The following KCNK5 variants were observed in gnomAD, a reference collection of about 807,000 sequenced individuals.
KCNK5 encodes the protein potassium channel subfamily K member 5.
KCNK5 carries 18 observed loss-of-function variants against 32.9 expected under a neutral mutation model. The observed-to-expected ratio is 0.55, with a 90% CI of 0.38 to 0.81. The LOEUF (loss-of-function observed/expected upper bound fraction) is 0.81. Among genes scored for constraint, KCNK5 ranks in the 30% least tolerant of loss-of-function variants. The pLI is 0.00. For missense variants in KCNK5, 507 were observed against 651.0 expected (o/e 0.78, Z 2.41); for synonymous variants, 276 against 275.3 (o/e 1.00, Z -0.03).
At chr6:39,198,742 G>A (rs548083053) in intron 1 of KCNK5, among the ~76,000 whole-genome samples, 1 of 152,274 alleles carries the variant, frequency 6.6e-6, no homozygotes, top group South Asian at 2.1e-4. Context: ...GCCATATATG[G>A]GGCACCTTGT....
intron 1 of KCNK5, among the ~76,000 whole-genome samples, chr6:39,202,762 G>A (rs1357238375): frequency 6.6e-6 from 1 of 152,118 alleles, no homozygotes; most frequent in African/African-American, 2.4e-5. Flanking sequence ...CAGGGCCTCT[G>A]CAGCTCAGGT....
chr6:39,219,297 G>A (rs111769882), intron 1 of KCNK5, among the ~76,000 whole-genome samples: 3,346 of 152,314 alleles, frequency 0.022, 142 homozygotes, highest in African/African-American at 0.076. Context: ...TCAAAGGGGA[G>A]AGGATAACAA....
intron 1 of KCNK5, among the ~76,000 whole-genome samples, chr6:39,218,051 G>A (rs553481121): frequency 2.0e-5 from 3 of 150,436 alleles, no homozygotes; most frequent in Admixed American, 6.6e-5. Context: ...ACCATCAAGA[G>A]CTTTTTTGAC....
At chr6:39,207,586 C>G (rs1771251554) in intron 1 of KCNK5, among the ~76,000 whole-genome samples, 1 of 150,844 alleles carries the variant, frequency 6.6e-6, no homozygotes, top group Non-Finnish European at 1.5e-5. Flanking sequence ...CCTGGTGAGT[C>G]AGTTCCCCTG....
At chr6:39,206,368 C>G (rs1358611877) in intron 1 of KCNK5, among the ~76,000 whole-genome samples, 1 of 152,244 alleles carries the variant, frequency 6.6e-6, no homozygotes, top group Non-Finnish European at 1.5e-5. Context: ...CTACCCCATT[C>G]CCCTGCAGAT....
intron 1 of KCNK5, among the ~76,000 whole-genome samples, chr6:39,224,958 G>A (rs1771625521): frequency 1.3e-5 from 2 of 151,146 alleles, no homozygotes; most frequent in Non-Finnish European, 2.9e-5. Context: ...AGGCTGGAGT[G>A]CAGTGGCGCA....
intron 1 of KCNK5, among the ~76,000 whole-genome samples, chr6:39,222,890 G>T (rs1771580719): frequency 6.6e-6 from 1 of 152,216 alleles, no homozygotes; most frequent in Non-Finnish European, 1.5e-5. Flanking sequence ...TAGAGAGGGA[G>T]AAGAATTGTT....
intron 1 of KCNK5, among the ~76,000 whole-genome samples, chr6:39,221,301 T>C (rs1771544168): frequency 6.6e-6 from 1 of 152,132 alleles, no homozygotes; most frequent in South Asian, 2.1e-4. Flanking sequence ...TTGTAACTAT[T>C]GGTTGCCCAA....
chr6:39,214,926 C>A (rs115022534), intron 1 of KCNK5, among the ~76,000 whole-genome samples: 1,818 of 152,304 alleles, frequency 0.012, 40 homozygotes, highest in African/African-American at 0.041. Context: ...GAAATGATGT[C>A]CAGTACTTCA....
At chr6:39,197,870 C>T (rs1426820267) in intron 1 of KCNK5, among the ~76,000 whole-genome samples, 1 of 152,202 alleles carries the variant, frequency 6.6e-6, no homozygotes, top group East Asian at 1.9e-4. Flanking sequence ...GCTGCAGCAC[C>T]ACCTCTGGTC....
intron 1 of KCNK5, among the ~76,000 whole-genome samples, chr6:39,208,414 G>A (rs138245128): frequency 6.6e-6 from 1 of 152,146 alleles, no homozygotes; most frequent in Non-Finnish European, 1.5e-5. Flanking sequence ...CGGCCTCTGA[G>A]CATGATCTTG....
chr6:39,203,765 T>C (rs1340587432), intron 1 of KCNK5, among the ~76,000 whole-genome samples: 1 of 152,228 alleles, frequency 6.6e-6, no homozygotes, highest in Admixed American at 6.5e-5. Flanking sequence ...TCTGTTGACC[T>C]GGCACAACTT....
chr6:39,210,734 A>G (rs1243587218), intron 1 of KCNK5, among the ~76,000 whole-genome samples: 1 of 152,154 alleles, frequency 6.6e-6, no homozygotes, highest in Non-Finnish European at 1.5e-5. Context: ...AGGAGTCGGG[A>G]AAGAGGGACA....
intron 1 of KCNK5, among the ~76,000 whole-genome samples, chr6:39,217,140 A>G (rs113245282): frequency 0.052 from 7,639 of 146,390 alleles, 593 homozygotes; most frequent in African/African-American, 0.15. Flanking sequence ...AAAAAAAAAA[A>G]AAAGAAAGAA....
chr6:39,191,344 T>C lies in KCNK5; in HGVS notation c.1046A>G (p.Lys349Arg). ...PSLVPLVVYSKNRVPTLEEVS... is the reference protein window; with the variant it reads ...PSLVPLVVYSRNRVPTLEEVS... ...CTCTTCCAAGGTGGGCACCCGGTTC[T>C]TGGAGTAGACTACCAGGGGCACCAG... Residue 349 changes from lysine to arginine, a missense_variant, in exon 5 of 5, where the codon AAG (lysine) becomes AGG (arginine). By Grantham distance (26) the Lys-to-Arg change is conservative (BLOSUM62 2). Around this residue, in one of 6 missense-constraint regions of KCNK5, gnomAD observed 252 missense variants for 250.8 expected, o/e 1.00. Coordinates refer to ENST00000359534, the MANE Select transcript of KCNK5 (RefSeq NM_003740.4). The surrounding 1 kb of genome is among the most constrained non-coding windows in gnomAD (Gnocchi z 5.8). 1 of 1,613,892 alleles carries C rather than the reference T, an allele frequency of 6.2e-7. No homozygotes were observed. The highest frequency in any genetic ancestry group is 8.5e-7 in the Non-Finnish European group (1 of 1,179,998).
At chr6:39,216,539 C>G (rs1265016850) in intron 1 of KCNK5, among the ~76,000 whole-genome samples, 1 of 152,130 alleles carries the variant, frequency 6.6e-6, no homozygotes, top group Non-Finnish European at 1.5e-5. Context: ...ATACGGCAGC[C>G]TCTACTGCAG....
chr6:39,213,101 G>A (rs1310285828), intron 1 of KCNK5, among the ~76,000 whole-genome samples: 1 of 152,152 alleles, frequency 6.6e-6, no homozygotes, highest in East Asian at 1.9e-4. Context: ...CAGATACGAA[G>A]GGTCAACTAT....
Position 39,189,485 on chromosome 6 carries a change from C to T in KCNK5, c.*1405G>A, listed in dbSNP as rs529126978. On this transcript the variant is annotated 3_prime_UTR_variant, in exon 5 of 5. Transcript: ENST00000359534. ...CACTAGATCTCCCAATCCTTGGGAC[C>T]CTGCTCTTTAACCACTGGCTCTGAA... 2.5e-4 allele frequency: 38 copies of T among 152,578 alleles called. No individual in the cohort carries two copies. The highest frequency in any genetic ancestry group is 8.9e-4 in the African/African-American group (37 of 41,510). The allele number at this position is 152,578 out of a possible 1,614,324, so 9.5% of individuals were successfully genotyped here. A position where few individuals can be genotyped will look rare whatever the true frequency, so the allele number is the denominator to read the frequency against.
At chr6:39,197,594 A>G (rs546373660) in intron 1 of KCNK5, among the ~76,000 whole-genome samples, 106 of 152,376 alleles carry the variant, frequency 7.0e-4, no homozygotes, top group African/African-American at 2.4e-3. Flanking sequence ...TAACAGGCCA[A>G]CAGGAGAGCT....
Sources: allele counts gnomAD v4.1 joint callset (sites outside exome capture counted in the v4.1 genomes callset), GRCh38; gene constraint gnomAD v4.1.1; regional missense constraint gnomAD v4.1.1; non-coding constraint Gnocchi (gnomAD v3.1); transcripts MANE v1.5; gene names NCBI Gene and HGNC (gene_info 2026-07-23, HGNC 2026-07-21).